The following PCDHGB2 variants were observed in gnomAD, a reference collection of about 807,000 sequenced individuals.
PCDHGB2 encodes protocadherin gamma-B2.
In PCDHGB2, 55 loss-of-function variants were observed where a neutral mutation model predicts 59.3. The observed-to-expected ratio is 0.93, with a 90% CI of 0.75 to 1.16. PCDHGB2 has a LOEUF of 1.16. PCDHGB2 is among the 50% of genes most tolerant of loss of function. The pLI, the probability that PCDHGB2 is intolerant of heterozygous loss-of-function variation, is 0.00. For missense variants in PCDHGB2, 1,228 were observed against 1,198.5 expected (o/e 1.02, Z -0.36); for synonymous variants, 516 against 512.0 (o/e 1.01, Z -0.11).
intron 1 of PCDHGB2, chr5:141,395,088 C>T (rs778953049): frequency 4.3e-6 from 7 of 1,614,194 alleles, no homozygotes; most frequent in African/African-American, 1.3e-5. Flanking sequence ...GGAAGTCTCC[C>T]TCACCGCCGA....
intron 1 of PCDHGB2, chr5:141,423,627 C>T (rs925883716): frequency 6.2e-7 from 1 of 1,604,886 alleles, no homozygotes; most frequent in African/African-American, 1.3e-5. Context: ...ACTCAGCTAT[C>T]ATTTTAGGCA....
chr5:141,501,902 C>G (rs2154593013), intron 2 of PCDHGB2, among the ~76,000 whole-genome samples: 1 of 152,202 alleles, frequency 6.6e-6, no homozygotes, highest in East Asian at 1.9e-4. Flanking sequence ...GGTTCCAACC[C>G]CACTGTTCCA....
At chr5:141,427,529 G>A (rs1464520351) in intron 1 of PCDHGB2, 1 of 619,898 alleles carries the variant, frequency 1.6e-6, no homozygotes, top group African/African-American at 1.8e-5. Context: ...GGATCCCGGA[G>A]TACAACGTCA....
intron 1 of PCDHGB2, chr5:141,364,231 C>G: frequency 7.2e-7 from 1 of 1,392,330 alleles, no homozygotes; most frequent in Non-Finnish European, 9.6e-7. Flanking sequence ...CAACGCTCCA[C>G]GCCCATTTTC....
At chr5:141,393,138 C>G (rs2092688516) in intron 1 of PCDHGB2, 1 of 1,613,196 alleles carries the variant, frequency 6.2e-7, no homozygotes, top group Non-Finnish European at 8.5e-7. Flanking sequence ...TATTAACACC[C>G]TGGTTGAGGA....
intron 1 of PCDHGB2, among the ~76,000 whole-genome samples, chr5:141,396,827 T>G (rs1339802094): frequency 6.6e-6 from 1 of 152,218 alleles, no homozygotes; most frequent in East Asian, 1.9e-4. Flanking sequence ...TGGTGCATAT[T>G]CAGTGGAGTG....
At chr5:141,372,626 C>T (rs1385028650) in intron 1 of PCDHGB2, 3 of 1,613,792 alleles carry the variant, frequency 1.9e-6, no homozygotes, top group East Asian at 2.2e-5. Context: ...CCACCTACAG[C>T]GAAAGGACTT....
At chr5:141,398,014 C>G in intron 1 of PCDHGB2, 1 of 1,420,276 alleles carries the variant, frequency 7.0e-7, no homozygotes, top group Non-Finnish European at 9.4e-7. Flanking sequence ...AGAATCGTTT[C>G]CTAAACTGGA....
In PCDHGB2 at chr5:141,491,958, A is replaced by C; in HGVS notation, c.2422-2849A>C. The C allele has an allele frequency of 2.0e-6, 2 of 999,758 alleles. No homozygotes were observed. Among genetic ancestry groups the C allele is most frequent in the Non-Finnish European group, 2.8e-6 (2 of 718,534 alleles). The allele number at this position is 999,758 out of a possible 1,614,324, so 61.9% of individuals were successfully genotyped here. The stretch of plus-strand genomic sequence containing the variant: ...ACCGACCCCCACCCCTACACTCAAA[A>C]AAGGCCGGGGCCTCCTTCGAGCTTC... On this transcript the variant is annotated intron_variant, in intron 1 of 3. Coordinates refer to ENST00000522605, the MANE Select transcript of PCDHGB2 (RefSeq NM_018923.3). The surrounding 1 kb of genome is among the most constrained non-coding windows in gnomAD (Gnocchi z 6.9).
intron 1 of PCDHGB2, chr5:141,403,373 A>C: frequency 6.2e-7 from 1 of 1,614,074 alleles, no homozygotes; most frequent in Non-Finnish European, 8.5e-7. Flanking sequence ...TCTGGAAGTA[A>C]AAATTAACGA....
chr5:141,405,319 GC>G, intron 1 of PCDHGB2: 1 of 1,614,176 alleles, frequency 6.2e-7, no homozygotes, highest in Non-Finnish European at 8.5e-7. Context: ...AGAAAAATGA[GC>G]CTTTGTGCGT....
chr5:141,496,980 G>T (rs186715298), intron 2 of PCDHGB2, among the ~76,000 whole-genome samples: 1 of 151,974 alleles, frequency 6.6e-6, no homozygotes, highest in Admixed American at 6.6e-5. Flanking sequence ...GAGGTCAGGG[G>T]TTTGAGACCA....
rs762068366 is a variant in PCDHGB2 at position 141,360,850 on chromosome 5, C to G, written c.715C>G (p.Pro239Ala). The change falls in exon 1 of 4, where the codon CCT (proline) becomes GCT (alanine). Residue 239 changes from proline (P) to alanine (A), a missense_variant. Around this residue, in one of 3 missense-constraint regions of PCDHGB2, gnomAD observed 781 missense variants for 721.6 expected, o/e 1.08. Coordinates refer to ENST00000522605, the MANE Select transcript of PCDHGB2 (RefSeq NM_018923.3). Reference protein sequence around the residue: ...RIKVTDANDNPPVFSQDVYRV... With the variant: ...RIKVTDANDNAPVFSQDVYRV... Reference sequence around the variant, plus strand: ...CAAAGTCACGGATGCCAACGATAACCCTCCAGTGTTCAGCCAGGACGTGTA... The same window carrying G: ...CAAAGTCACGGATGCCAACGATAACGCTCCAGTGTTCAGCCAGGACGTGTA... 16 of 1,613,984 alleles carry G rather than the reference C, an allele frequency of 9.9e-6. No individual in the cohort carries two copies. The African/African-American group carries it at 2.1e-4, about 22-fold the overall frequency.
chr5:141,400,081 G>A lies in PCDHGB2; in HGVS notation c.2421+37525G>A, dbSNP rs763547099. 3.7e-6 allele frequency: 6 copies of A among 1,613,902 alleles called. No homozygotes were observed. The highest frequency in any genetic ancestry group is 3.3e-5 in the Admixed American group (2 of 60,010). On this transcript the variant is annotated intron_variant, in intron 1 of 3. Transcript: ENST00000522605. ...TGATGGTGGACAGCCGCCACTCTCC[G>A]CCACCGCCACGCTGCACTTGGTCTT...
chr5:141,371,660 C>A, intron 1 of PCDHGB2: 1 of 1,614,032 alleles, frequency 6.2e-7, no homozygotes. Context: ...ATGTGACGAT[C>A]ACAGCTACCG....
At position 141,362,420 on chromosome 5, in the gene PCDHGB2, A is replaced by T; in HGVS notation, c.2285A>T (p.Lys762Met). The part of the protein sequence containing the change: ...YNLCVASQSA[K>M]TEFNFLNITP... Reference sequence around the variant, plus strand: ...CTGTGTGTTGCCTCACAATCAGCCAAGACAGAGTTCAATTTTCTGAACATA... The same window carrying T: ...CTGTGTGTTGCCTCACAATCAGCCATGACAGAGTTCAATTTTCTGAACATA... The change falls in exon 1 of 4, where the codon AAG becomes ATG. Residue 762 changes from lysine to methionine, a missense_variant. Lys to Met is a moderately conservative substitution (Grantham distance 95). Around this residue, in one of 3 missense-constraint regions of PCDHGB2, gnomAD observed 433 missense variants for 441.8 expected, o/e 0.98. Transcript: ENST00000522605. 6.2e-7 allele frequency: 1 copy of T among 1,614,046 alleles called. No individual in the cohort carries two copies. Among genetic ancestry groups the T allele is most frequent in the Non-Finnish European group, 8.5e-7 (1 of 1,179,898 alleles).
At chr5:141,375,843 T>A (rs762152746) in intron 1 of PCDHGB2, 20 of 1,613,928 alleles carry the variant, frequency 1.2e-5, no homozygotes, top group Non-Finnish European at 1.6e-5. Context: ...CCCGGCTACC[T>A]GGTGACCAAG....
chr5:141,372,010 C>T (rs965282099), intron 1 of PCDHGB2: 7 of 1,613,262 alleles, frequency 4.3e-6, no homozygotes, highest in Non-Finnish European at 5.1e-6. Context: ...GACCAGGGCT[C>T]GCCTACGCTC....
chr5:141,497,796 TC>T (rs1251163385), intron 2 of PCDHGB2, among the ~76,000 whole-genome samples: 2 of 152,160 alleles, frequency 1.3e-5, no homozygotes, highest in African/African-American at 2.4e-5. Context: ...TGCTTCAGCT[TC>T]CCAAAGTGCT....
Sources: allele counts gnomAD v4.1 joint callset (sites outside exome capture counted in the v4.1 genomes callset), GRCh38; gene constraint gnomAD v4.1.1; regional missense constraint gnomAD v4.1.1; non-coding constraint Gnocchi (gnomAD v3.1); transcripts MANE v1.5; gene names NCBI Gene and HGNC (gene_info 2026-07-23, HGNC 2026-07-21).